Variants in PLCXD3 observed in about 807,000 individuals in gnomAD.
PLCXD3 encodes phosphatidylinositol specific phospholipase C X domain containing 3.
PLCXD3 carries 19 observed loss-of-function variants against 25.5 expected under a neutral mutation model. That is an observed-to-expected ratio of 0.75 (90% confidence interval 0.52 to 1.09). The LOEUF (loss-of-function observed/expected upper bound fraction) is 1.09. Ranked by LOEUF, PLCXD3 falls within the 50% of genes least tolerant of loss-of-function variation. PLCXD3 has a pLI of 0.00. For missense variants in PLCXD3, 411 were observed against 388.1 expected, an observed-to-expected ratio of 1.06 and a Z score of -0.50; for synonymous variants, 174 against 137.6, an observed-to-expected ratio of 1.26 and a Z score of -1.85.
At chr5:41,451,589 A>G (rs1747632578) in intron 1 of PLCXD3, among the ~76,000 whole-genome samples, 2 of 152,008 alleles carry the variant, frequency 1.3e-5, no homozygotes, top group African/African-American at 4.8e-5. Flanking sequence ...AGCAGCCCCA[A>G]AGAGAAATAG....
At chr5:41,372,116 C>G (rs1432538488) in intron 2 of PLCXD3, among the ~76,000 whole-genome samples, 1 of 151,962 alleles carries the variant, frequency 6.6e-6, no homozygotes, top group Non-Finnish European at 1.5e-5. Context: ...TTTGTGAGTG[C>G]TAGCTATACA....
At chr5:41,391,989 T>G (rs1421745240) in intron 1 of PLCXD3, among the ~76,000 whole-genome samples, 1 of 151,708 alleles carries the variant, frequency 6.6e-6, no homozygotes. Context: ...GAGGGAAGAG[T>G]GGCAAGGACT....
chr5:41,475,130 A>T (rs920826845), intron 1 of PLCXD3, among the ~76,000 whole-genome samples: 1 of 152,230 alleles, frequency 6.6e-6, no homozygotes, highest in African/African-American at 2.4e-5. Context: ...GGTATGTACC[A>T]AACTCCAAAC....
At chr5:41,504,411 C>T (rs933247578) in intron 1 of PLCXD3, among the ~76,000 whole-genome samples, 2 of 152,128 alleles carry the variant, frequency 1.3e-5, no homozygotes, top group Admixed American at 1.3e-4. Flanking sequence ...AGTCCCCGAG[C>T]AATGGAGCAA....
At chr5:41,376,250 G>A (rs1194423051) in intron 2 of PLCXD3, among the ~76,000 whole-genome samples, 2 of 152,082 alleles carry the variant, frequency 1.3e-5, no homozygotes, top group Non-Finnish European at 2.9e-5. Context: ...GGGCAGCACT[G>A]TCAGTAGGGC....
At chr5:41,366,971 C>T (rs534538977) in intron 2 of PLCXD3, among the ~76,000 whole-genome samples, 1 of 152,176 alleles carries the variant, frequency 6.6e-6, no homozygotes, top group Non-Finnish European at 1.5e-5. Context: ...GACATGATCT[C>T]CTCCTTTTTA....
chr5:41,387,141 A>G (rs1235250967), intron 1 of PLCXD3, among the ~76,000 whole-genome samples: 4 of 152,066 alleles, frequency 2.6e-5, no homozygotes, highest in African/African-American at 4.8e-5. Context: ...CCCAAGATGA[A>G]AGGGAAAAGG....
chr5:41,438,460 A>C (rs1158940072), intron 1 of PLCXD3, among the ~76,000 whole-genome samples: 1 of 152,132 alleles, frequency 6.6e-6, no homozygotes, highest in Non-Finnish European at 1.5e-5. Context: ...GCACGCTGGG[A>C]GAATGGGGTG....
At chr5:41,368,292 T>G (rs1744995396) in intron 2 of PLCXD3, among the ~76,000 whole-genome samples, 1 of 152,182 alleles carries the variant, frequency 6.6e-6, no homozygotes, top group Non-Finnish European at 1.5e-5. Flanking sequence ...CTATATTTGG[T>G]TCATTCATAA....
At chr5:41,319,876 C>T (rs948707088) in intron 2 of PLCXD3, among the ~76,000 whole-genome samples, 6 of 151,506 alleles carry the variant, frequency 4.0e-5, no homozygotes, top group African/African-American at 1.5e-4. Context: ...ACTAAGAAAA[C>T]AAAAGAAGAT....
At chr5:41,333,924 C>T (rs1304780644) in intron 2 of PLCXD3, among the ~76,000 whole-genome samples, 1 of 152,150 alleles carries the variant, frequency 6.6e-6, no homozygotes, top group Non-Finnish European at 1.5e-5. Context: ...CCTTGACTTT[C>T]CCAGATTCTC....
At position 41,308,598 on chromosome 5, in the gene PLCXD3, G is replaced by T. The variant is rs1743055691; in HGVS notation, c.*5019C>A. The T allele has an allele frequency of 6.6e-6, 1 of 152,090 alleles. No individual in the cohort carries two copies. 9.4% of individuals were successfully genotyped at this position (152,090 alleles called of 1,614,324 possible). A position where few individuals can be genotyped will look rare whatever the true frequency, so the allele number is the denominator to read the frequency against. ...GGCAGACCAGAAAAGTGTGTGGGTT[G>T]CATGCTTGTTTTCTCGAGAAGAGAA... is the stretch of plus-strand genomic sequence containing the variant. On this transcript the variant is annotated 3_prime_UTR_variant, in exon 3 of 3. Coordinates refer to ENST00000377801, the MANE Select transcript of PLCXD3 (RefSeq NM_001005473.3).
At chr5:41,335,735 G>A (rs1042985326) in intron 2 of PLCXD3, among the ~76,000 whole-genome samples, 2 of 152,054 alleles carry the variant, frequency 1.3e-5, no homozygotes, top group Admixed American at 1.3e-4. Flanking sequence ...GCATTTGTTG[G>A]GGTGGATACA....
chr5:41,471,359 A>G (rs1190322306), intron 1 of PLCXD3, among the ~76,000 whole-genome samples: 1 of 152,168 alleles, frequency 6.6e-6, no homozygotes, highest in Admixed American at 6.5e-5. Flanking sequence ...AGTGATAAAG[A>G]GAGTGCAACA....
intron 1 of PLCXD3, among the ~76,000 whole-genome samples, chr5:41,501,633 A>G (rs1748952662): frequency 6.6e-6 from 1 of 152,072 alleles, no homozygotes; most frequent in Non-Finnish European, 1.5e-5. Flanking sequence ...TTGTACTTAC[A>G]GGTAGCAACA....
intron 1 of PLCXD3, among the ~76,000 whole-genome samples, chr5:41,479,305 A>C (rs1256266131): frequency 6.6e-6 from 1 of 152,180 alleles, no homozygotes; most frequent in Non-Finnish European, 1.5e-5. Flanking sequence ...CAGAAAGTAG[A>C]GTGATGGTTG....
chr5:41,487,414 C>A (rs1289472822), intron 1 of PLCXD3, among the ~76,000 whole-genome samples: 2 of 152,130 alleles, frequency 1.3e-5, no homozygotes, highest in Admixed American at 6.5e-5. Context: ...CAGAGTCTTT[C>A]TATGCTTATT....
At chr5:41,359,358 T>A (rs1246953040) in intron 2 of PLCXD3, among the ~76,000 whole-genome samples, 1 of 152,156 alleles carries the variant, frequency 6.6e-6, no homozygotes, top group Non-Finnish European at 1.5e-5. Flanking sequence ...GACTTTTTTT[T>A]ATTGGCAATT....
chr5:41,419,300 C>G (rs1386545756), intron 1 of PLCXD3, among the ~76,000 whole-genome samples: 1 of 152,056 alleles, frequency 6.6e-6, no homozygotes, highest in African/African-American at 2.4e-5. Flanking sequence ...AATTCCAAGG[C>G]TTCGTGATAA....
Sources: allele counts gnomAD v4.1 joint callset (sites outside exome capture counted in the v4.1 genomes callset), GRCh38; gene constraint gnomAD v4.1.1; transcripts MANE v1.5; gene names NCBI Gene and HGNC (gene_info 2026-07-23, HGNC 2026-07-21).